The following KCNMA1 variants were observed in gnomAD, a reference collection of about 807,000 sequenced individuals.
KCNMA1 encodes the protein potassium calcium-activated channel subfamily M alpha 1.
Under a neutral mutation model 140.0 loss-of-function variants are expected in KCNMA1, and 29 were observed. That is an observed-to-expected ratio of 0.21 (90% CI 0.15 to 0.28). The LOEUF (loss-of-function observed/expected upper bound fraction) is 0.28, where lower values mean the gene tolerates loss of function less well. Among genes scored for constraint, KCNMA1 ranks in the 10% least tolerant of loss-of-function variants. The pLI, the probability that KCNMA1 is intolerant of heterozygous loss-of-function variation, is 1.00. For synonymous variants in KCNMA1, 612 were observed against 611.9 expected (o/e 1.00, Z 0.00); for missense variants, 880 against 1,602.2 (o/e 0.55, Z 7.70).
chr10:77,001,649 G>T, intron 18 of KCNMA1, 69 bp from the exon 19 acceptor site: 1 of 1,316,280 alleles, frequency 7.6e-7, no homozygotes, highest in Non-Finnish European at 1.1e-6. Context: ...ACACAGCAAG[G>T]CAGCTGGAAG....
chr10:77,298,363 G>A (rs760229379), intron 2 of KCNMA1, among the ~76,000 whole-genome samples: 1 of 151,960 alleles, frequency 6.6e-6, no homozygotes, highest in Admixed American at 6.6e-5. Context: ...CTGCCTCAGC[G>A]TCCCGAGTAG....
intron 5 of KCNMA1, among the ~76,000 whole-genome samples, chr10:77,153,491 C>T (rs969705643): frequency 2.0e-5 from 3 of 152,106 alleles, no homozygotes; most frequent in Non-Finnish European, 4.4e-5. Flanking sequence ...TTCACCTCAG[C>T]GTCCTGCATA....
intron 23 of KCNMA1, chr10:76,939,622 C>A (rs2061484621): frequency 6.6e-6 from 1 of 152,200 alleles, no homozygotes; most frequent in Admixed American, 6.5e-5. Context: ...TGTTCTGGGC[C>A]TTTAGAGTGC....
At chr10:76,990,997 G>T (rs1038497695) in intron 19 of KCNMA1, among the ~76,000 whole-genome samples, 7 of 152,140 alleles carry the variant, frequency 4.6e-5, no homozygotes, top group Non-Finnish European at 1.0e-4. Flanking sequence ...AATCATTTGG[G>T]TGCTGCTGTT....
At chr10:77,347,233 C>T (rs150565525) in intron 2 of KCNMA1, among the ~76,000 whole-genome samples, 12 of 152,298 alleles carry the variant, frequency 7.9e-5, no homozygotes, top group African/African-American at 2.2e-4. Flanking sequence ...ATATACCAGG[C>T]CTTGTGCATG....
intron 1 of KCNMA1, among the ~76,000 whole-genome samples, chr10:77,528,503 G>C (rs113783620): frequency 1.0e-3 from 158 of 151,990 alleles, no homozygotes; most frequent in African/African-American, 3.3e-3. Flanking sequence ...CCAGCAACTC[G>C]GGAGGCTGAG....
In KCNMA1 at chr10:77,296,911, GC is replaced by G. The variant is rs67529389; in HGVS notation, c.541-45656del. Reference sequence around the variant, plus strand: ...CTAAGAGGAATGCCTGGGTGTGTGGGCGGGGGGGCGGTGGGGGAATGTAGAG... The same window carrying G: ...CTAAGAGGAATGCCTGGGTGTGTGGGGGGGGGGCGGTGGGGGAATGTAGAG... On this transcript the variant is annotated intron_variant, in intron 2 of 27. Coordinates refer to ENST00000286628, the MANE Select transcript of KCNMA1 (RefSeq NM_001161352.2). Among the ~76,000 whole-genome samples, 895 of 148,224 alleles carry G rather than the reference GC, an allele frequency of 6.0e-3. 24 individuals carry two copies. The highest frequency in any genetic ancestry group is 7.2e-3 in the Non-Finnish European group (480 of 66,268).
At chr10:77,626,397 G>A (rs1287378481) in intron 1 of KCNMA1, among the ~76,000 whole-genome samples, 2 of 152,166 alleles carry the variant, frequency 1.3e-5, no homozygotes, top group African/African-American at 2.4e-5. Context: ...GGAGGAAAGT[G>A]TTCCCAGATG....
At chr10:77,137,327 AG>A (rs1469324180) in intron 5 of KCNMA1, among the ~76,000 whole-genome samples, 14 of 152,188 alleles carry the variant, frequency 9.2e-5, no homozygotes, top group Admixed American at 5.9e-4. Flanking sequence ...AAAAGCTGAA[AG>A]GTTCCAATAA....
At chr10:77,436,167 A>G (rs541102045) in intron 1 of KCNMA1, among the ~76,000 whole-genome samples, 3 of 152,320 alleles carry the variant, frequency 2.0e-5, no homozygotes, top group African/African-American at 7.2e-5. Flanking sequence ...TCCGTTTGTA[A>G]GGAAATTGGT....
chr10:77,131,964 C>CAAAAAAAAAAA (rs34972346), intron 5 of KCNMA1, among the ~76,000 whole-genome samples: 1 of 92,520 alleles, frequency 1.1e-5, no homozygotes, highest in Non-Finnish European at 2.2e-5. Flanking sequence ...GACTCGGTCT[C>CAAAAAAAAAAA]AAAAAAAAAA....
At chr10:77,343,870 G>C (rs891712389) in intron 2 of KCNMA1, among the ~76,000 whole-genome samples, 46 of 152,304 alleles carry the variant, frequency 3.0e-4, no homozygotes, top group African/African-American at 1.1e-3. Context: ...ACCAAATACA[G>C]GAAGGAACCA....
chr10:77,078,625 A>T (rs1164509085), intron 13 of KCNMA1, among the ~76,000 whole-genome samples: 1 of 152,222 alleles, frequency 6.6e-6, no homozygotes, highest in Non-Finnish European at 1.5e-5. Context: ...TTATGCACTC[A>T]CTAGTTCACC....
At chr10:77,604,683 TC>T (rs941134563) in intron 1 of KCNMA1, among the ~76,000 whole-genome samples, 9 of 149,572 alleles carry the variant, frequency 6.0e-5, no homozygotes, top group African/African-American at 1.5e-4. Flanking sequence ...CAAAACCCCA[TC>T]CCCCGCCCCC....
chr10:77,415,210 A>G (rs1194303472), intron 1 of KCNMA1, among the ~76,000 whole-genome samples: 4 of 152,210 alleles, frequency 2.6e-5, no homozygotes, highest in Non-Finnish European at 5.9e-5. Context: ...GCAACCTCCA[A>G]ACTTTCAGGG....
At chr10:77,468,695 T>G (rs2098087078) in intron 1 of KCNMA1, among the ~76,000 whole-genome samples, 1 of 152,206 alleles carries the variant, frequency 6.6e-6, no homozygotes, top group African/African-American at 2.4e-5. Flanking sequence ...GTAAGAAAAT[T>G]AATTTCTGTT....
intron 2 of KCNMA1, among the ~76,000 whole-genome samples, chr10:77,287,515 A>G (rs1179139026): frequency 1.3e-5 from 2 of 152,242 alleles, no homozygotes; most frequent in African/African-American, 2.4e-5. Flanking sequence ...ATTTGACTAT[A>G]GAGCATTCAT....
chr10:76,984,236 C>G (rs1323478500), intron 19 of KCNMA1, among the ~76,000 whole-genome samples: 1 of 151,744 alleles, frequency 6.6e-6, no homozygotes, highest in East Asian at 1.9e-4. Flanking sequence ...GCTCTGTCAC[C>G]CAGGCTCCCA....
intron 18 of KCNMA1, among the ~76,000 whole-genome samples, chr10:77,002,558 T>C (rs2086838827): frequency 6.6e-6 from 1 of 152,254 alleles, no homozygotes; most frequent in East Asian, 1.9e-4. Flanking sequence ...ACGTGAAATA[T>C]CTTAATGCAA....
Sources: allele counts gnomAD v4.1 joint callset (sites outside exome capture counted in the v4.1 genomes callset), GRCh38; gene constraint gnomAD v4.1.1; transcripts MANE v1.5; gene names NCBI Gene and HGNC (gene_info 2026-07-23, HGNC 2026-07-21).